Variants in LIN28B observed in about 807,000 individuals in gnomAD.
LIN28B encodes protein lin-28 homolog B.
LIN28B carries 5 observed loss-of-function variants against 21.9 expected under a neutral mutation model. The ratio of observed to expected loss-of-function variants is 0.23; its 90% CI spans 0.12 to 0.48. The LOEUF is 0.48. Ranked by LOEUF, LIN28B falls within the 20% of genes least tolerant of loss-of-function variation. The pLI is 0.98. For synonymous variants in LIN28B, 109 were observed against 111.3 expected (o/e 0.98, Z 0.13); for missense variants, 245 against 310.5 (o/e 0.79, Z 1.58).
At chr6:104,995,992 A>G (rs1403117041) in intron 2 of LIN28B, among the ~76,000 whole-genome samples, 2 of 150,968 alleles carry the variant, frequency 1.3e-5, no homozygotes, top group Admixed American at 1.3e-4. Flanking sequence ...AAATACACAT[A>G]TATACATACC....
At chr6:105,021,701 G>GT (rs1771144971) in intron 2 of LIN28B, among the ~76,000 whole-genome samples, 1 of 152,040 alleles carries the variant, frequency 6.6e-6, no homozygotes, top group Non-Finnish European at 1.5e-5. Context: ...TGAGTTCCTT[G>GT]TATATTCTGG....
chr6:104,940,969 C>G (rs1778079646), intron 2 of LIN28B: 1 of 152,280 alleles, frequency 6.6e-6, no homozygotes, highest in African/African-American at 2.4e-5. Context: ...CACCCTCTCC[C>G]CCTCTCACAC....
chr6:104,960,849 T>C lies in LIN28B; in HGVS notation c.198+2563T>C, dbSNP rs1237139035. 2.0e-5 allele frequency among the ~76,000 whole-genome samples: 3 copies of C among 152,192 alleles called. No homozygotes were observed. The East Asian group carries it at 5.8e-4, about 29-fold the overall frequency. On this transcript the variant is annotated intron_variant, in intron 2 of 3. Coordinates refer to ENST00000345080, the MANE Select transcript of LIN28B (RefSeq NM_001004317.4). ...ATTGAGCTGTGTATTTGTAGTTATG[T>C]ATATTTATAGTTACATAACTCTACT...
At chr6:105,038,240 G>A (rs1335159488) in intron 3 of LIN28B, among the ~76,000 whole-genome samples, 1 of 152,206 alleles carries the variant, frequency 6.6e-6, no homozygotes, top group Non-Finnish European at 1.5e-5. Flanking sequence ...GGAAGAGTCA[G>A]TGTTTTAGAG....
upstream of LIN28B, among the ~76,000 whole-genome samples, chr6:104,952,743 A>G (rs906334073): frequency 8.5e-5 from 13 of 152,174 alleles, no homozygotes; most frequent in African/African-American, 3.1e-4. Context: ...AAAACTTAAA[A>G]TTTATGCTAA....
intron 3 of LIN28B, among the ~76,000 whole-genome samples, chr6:105,056,925 C>T (rs981734981): frequency 6.6e-6 from 1 of 152,134 alleles, no homozygotes; most frequent in African/African-American, 2.4e-5. Flanking sequence ...TTCTATCAAG[C>T]GCTACAGTTT....
intron 3 of LIN28B, among the ~76,000 whole-genome samples, chr6:105,061,723 G>A (rs1772124473): frequency 6.6e-6 from 1 of 152,086 alleles, no homozygotes; most frequent in Non-Finnish European, 1.5e-5. Context: ...GAAGTATGAA[G>A]CTTACTTATA....
intron 2 of LIN28B, among the ~76,000 whole-genome samples, chr6:104,983,108 A>G (rs1021098272): frequency 2.6e-5 from 4 of 152,132 alleles, no homozygotes; most frequent in African/African-American, 9.7e-5. Flanking sequence ...AAACATTTTC[A>G]ATTGTATATT....
chr6:105,030,597 T>C lies in LIN28B; in HGVS notation c.383+4115T>C, dbSNP rs939635331. ...ATTAATTTCTTTCTTTCTTTCTTTT[T>C]TTTTTTTTTTTTTTTTGGAGACAGA... On this transcript the variant is annotated intron_variant, in intron 3 of 3. Transcript: ENST00000345080. Among the ~76,000 whole-genome samples, 20 of 144,518 alleles carry C rather than the reference T, an allele frequency of 1.4e-4. No homozygotes were observed. The East Asian group carries it at 2.2e-3, about 16-fold the overall frequency. 94.8% of individuals were successfully genotyped at this position (144,518 alleles called of 152,430 possible).
intron 2 of LIN28B, among the ~76,000 whole-genome samples, chr6:105,020,896 A>G (rs1771126643): frequency 6.6e-6 from 1 of 150,800 alleles, no homozygotes; most frequent in Non-Finnish European, 1.5e-5. Context: ...GGGACTACAG[A>G]CGCCCACCAC....
rs1023971107 is a variant in LIN28B, at chr6:105,033,604, G to A, written c.383+7122G>A. On this transcript the variant is annotated intron_variant, in intron 3 of 3. Transcript: ENST00000345080. Reference sequence around the variant, plus strand: ...GAAAAGTTTTCTTAACATTTCAAACGAAATAATTTCTGATTTTTTTCTATT... The same window carrying A: ...GAAAAGTTTTCTTAACATTTCAAACAAAATAATTTCTGATTTTTTTCTATT... Among the ~76,000 whole-genome samples, 37 of 151,790 alleles carry A rather than the reference G, an allele frequency of 2.4e-4. 1 individual carries two copies. Among genetic ancestry groups the A allele is most frequent in the Admixed American group, 6.6e-5 (1 of 15,248 alleles).
chr6:105,082,213 G>C lies in LIN28B; in HGVS notation c.*3430G>C, dbSNP rs1456320114. The stretch of plus-strand genomic sequence containing the variant: ...AAAGATTTTTACCTGCTTATAACTT[G>C]GAAGTTTAGAGTGCAATGTAAGAAA... On this transcript the variant is annotated 3_prime_UTR_variant, in exon 4 of 4. Coordinates refer to ENST00000345080, the MANE Select transcript of LIN28B (RefSeq NM_001004317.4). 1 of 152,594 alleles carries C rather than the reference G, an allele frequency of 6.6e-6. No homozygotes were observed. The highest frequency in any genetic ancestry group is 1.5e-5 in the Non-Finnish European group (1 of 68,036). 9.5% of individuals were successfully genotyped at this position (152,594 alleles called of 1,614,324 possible). A position where few individuals can be genotyped will look rare whatever the true frequency, so the allele number is the denominator to read the frequency against.
chr6:104,973,735 G>T (rs1268753588), intron 2 of LIN28B, among the ~76,000 whole-genome samples: 1 of 152,124 alleles, frequency 6.6e-6, no homozygotes, highest in Non-Finnish European at 1.5e-5. Flanking sequence ...GATACAGCTG[G>T]CTATTGCTGT....
chr6:104,947,020 AAGTT>A (rs772201788), intron 2 of LIN28B, among the ~76,000 whole-genome samples: 39 of 152,202 alleles, frequency 2.6e-4, no homozygotes, highest in Non-Finnish European at 2.9e-4. Flanking sequence ...TTAGAAGTAA[AAGTT>A]AGCATGATGT....
intron 3 of LIN28B, among the ~76,000 whole-genome samples, chr6:105,045,907 T>C (rs1460019344): frequency 1.3e-5 from 2 of 152,218 alleles, no homozygotes; most frequent in Non-Finnish European, 2.9e-5. Context: ...TAACACCTTT[T>C]TGAAAATCTA....
At chr6:104,959,341 G>A (rs954480171) in intron 2 of LIN28B, among the ~76,000 whole-genome samples, 1 of 152,196 alleles carries the variant, frequency 6.6e-6, no homozygotes, top group Non-Finnish European at 1.5e-5. Flanking sequence ...TTGACTGACA[G>A]ATACATGGGT....
intron 3 of LIN28B, among the ~76,000 whole-genome samples, chr6:105,061,678 G>C (rs886623842): frequency 6.6e-6 from 1 of 152,074 alleles, no homozygotes; most frequent in Non-Finnish European, 1.5e-5. Context: ...AATGAAGTAA[G>C]TGGAAATTAT....
chr6:104,958,027 T>G, intron 1 of LIN28B, 72 bp from the exon 2 acceptor site: 1 of 1,142,804 alleles, frequency 8.8e-7, no homozygotes, highest in Non-Finnish European at 1.2e-6. Context: ...GGCAGGCAAT[T>G]TTTTTTTTTT....
chr6:104,973,208 T>A (rs1179982636), intron 2 of LIN28B, among the ~76,000 whole-genome samples: 1 of 152,156 alleles, frequency 6.6e-6, no homozygotes, highest in Non-Finnish European at 1.5e-5. Flanking sequence ...TTTAAAAATG[T>A]CTGGTCACTG....
Sources: gnomAD v4.1 joint callset for allele counts (sites outside exome capture counted in the v4.1 genomes callset) on GRCh38, gnomAD v4.1.1 for gene constraint, MANE v1.5 for transcripts, NCBI Gene and HGNC (gene_info 2026-07-23, HGNC 2026-07-21) for gene names.